The following SGO2 variants were observed in gnomAD, a reference collection of about 807,000 sequenced individuals.
The protein encoded by SGO2 is shugoshin-like 2.
A neutral mutation model predicts 99.5 loss-of-function variants in SGO2; 68 were observed. That is an observed-to-expected ratio of 0.68 (90% confidence interval 0.56 to 0.84). The LOEUF is 0.84. Ranked by LOEUF, SGO2 falls within the 40% of genes least tolerant of loss-of-function variation. SGO2 has a pLI of 0.00. For synonymous variants in SGO2, 457 were observed against 487.1 expected, an observed-to-expected ratio of 0.94 and a Z score of 0.81; for missense variants, 1,350 against 1,436.7, an observed-to-expected ratio of 0.94 and a Z score of 0.97.
intron 5 of SGO2, among the ~76,000 whole-genome samples, chr2:200,558,360 A>G (rs2032804615): frequency 6.6e-6 from 1 of 152,142 alleles, no homozygotes; most frequent in Admixed American, 6.5e-5. Context: ...GAATTTTATC[A>G]AACGCTTTTT....
chr2:200,571,573 GAGAGAA>G lies in SGO2; in HGVS notation c.1231_1236del (p.Glu411_Arg412del), dbSNP rs2033428401. ...TGAAAGATTCCAGCTCTGAAAAAAA[GAGAGAA>G]AGATCAAAGAGACAGTTTAAAAATA... is the stretch of plus-strand genomic sequence containing the variant. On this transcript the variant is annotated inframe_deletion, in exon 7 of 9. Transcript: ENST00000357799. The G allele has an allele frequency of 6.2e-7, 1 of 1,611,952 alleles. No individual in the cohort carries two copies. The highest frequency in any genetic ancestry group is 1.3e-5 in the African/African-American group (1 of 74,710).
At chr2:200,578,145 C>A (rs567243592) in intron 8 of SGO2, among the ~76,000 whole-genome samples, 134 of 21,420 alleles carry the variant, frequency 6.3e-3, no homozygotes, top group African/African-American at 0.017. Flanking sequence ...GAAGAGTTGT[C>A]TTTTCTATAG....
chr2:200,555,281 A>G (rs2032659774), intron 5 of SGO2, among the ~76,000 whole-genome samples: 1 of 152,254 alleles, frequency 6.6e-6, no homozygotes, highest in Admixed American at 6.5e-5. Context: ...TATCACACAC[A>G]CCACACACAT....
intron 5 of SGO2, among the ~76,000 whole-genome samples, chr2:200,562,606 A>G (rs1434639004): frequency 6.6e-6 from 1 of 152,230 alleles, no homozygotes; most frequent in African/African-American, 2.4e-5. Flanking sequence ...AGTCATTGGT[A>G]GCTTGATGGG....
At chr2:200,567,309 T>C (rs1417292699) in intron 5 of SGO2, among the ~76,000 whole-genome samples, 2 of 152,238 alleles carry the variant, frequency 1.3e-5, no homozygotes, top group Admixed American at 6.5e-5. Context: ...TAGAGGTGTG[T>C]CAGTTTTATT....
At chr2:200,539,915 C>G (rs1266681398) in intron 4 of SGO2, among the ~76,000 whole-genome samples, 1 of 151,638 alleles carries the variant, frequency 6.6e-6, no homozygotes, top group Non-Finnish European at 1.5e-5. Context: ...TCTTTTCTTT[C>G]TTGTTCAGTT....
In SGO2 at chr2:200,575,427, AC is replaced by A. The variant is rs2033622016; in HGVS notation, c.3749del (p.Thr1250IlefsTer14). ...ACGGACAAGCAGAAGAAGAAGGTGTACTCCTTTCTATTTTAAAGAGCCAAGC... is the reference window on the plus strand; with the variant it reads ...ACGGACAAGCAGAAGAAGAAGGTGTATCCTTTCTATTTTAAAGAGCCAAGC... ...SERTSRRRRCTPFYFKEPSLR... is the reference protein window; with the variant it reads ...SERTSRRRRCXPFYFKEPSLR... On this transcript the variant is annotated frameshift_variant, in exon 8 of 9. Transcript: ENST00000357799. LOFTEE classifies it high-confidence loss of function. 1.3e-6 allele frequency: 2 copies of A among 1,598,546 alleles called. No individual in the cohort carries two copies. The highest frequency in any genetic ancestry group is 2.3e-5 in the South Asian group (2 of 88,760).
intron 5 of SGO2, among the ~76,000 whole-genome samples, chr2:200,563,949 T>C (rs1283272816): frequency 2.0e-5 from 3 of 152,216 alleles, no homozygotes; most frequent in Non-Finnish European, 2.9e-5. Context: ...TCTTCTCTCT[T>C]TTCTTCTTTA....
intron 8 of SGO2, among the ~76,000 whole-genome samples, chr2:200,581,178 A>G (rs1433501806): frequency 6.6e-6 from 1 of 152,158 alleles, no homozygotes; most frequent in African/African-American, 2.4e-5. Flanking sequence ...GCTTAGATGT[A>G]TATTCTCCAT....
intron 5 of SGO2, among the ~76,000 whole-genome samples, chr2:200,565,806 A>G (rs2033164012): frequency 6.6e-6 from 1 of 151,966 alleles, no homozygotes; most frequent in South Asian, 2.1e-4. Context: ...GCTTCATTTC[A>G]TTCATTTGAT....
intron 5 of SGO2, among the ~76,000 whole-genome samples, chr2:200,566,852 C>T (rs1401420353): frequency 1.3e-5 from 2 of 152,222 alleles, no homozygotes; most frequent in African/African-American, 2.4e-5. Context: ...GCTCCGTGGG[C>T]GTGGGACCCT....
intron 7 of SGO2, 39 bp from the exon 8 acceptor site, chr2:200,575,271 AC>A (rs2033611455): frequency 7.4e-7 from 1 of 1,352,280 alleles, no homozygotes; most frequent in African/African-American, 1.5e-5. Context: ...ATCTCTATAT[AC>A]TTTTTAAAAT....
intron 5 of SGO2, among the ~76,000 whole-genome samples, chr2:200,564,689 G>C (rs1380120693): frequency 1.3e-5 from 2 of 152,242 alleles, no homozygotes; most frequent in East Asian, 3.9e-4. Context: ...TTATTGTGTG[G>C]GAGTCTAAGT....
At chr2:200,581,541 A>G (rs1460319681) in intron 8 of SGO2, among the ~76,000 whole-genome samples, 1 of 152,172 alleles carries the variant, frequency 6.6e-6, no homozygotes, top group Non-Finnish European at 1.5e-5. Flanking sequence ...TATTTATGAG[A>G]CCTTCCTGAT....
intron 3 of SGO2, among the ~76,000 whole-genome samples, chr2:200,535,826 A>G (rs761375329): frequency 2.0e-5 from 3 of 151,302 alleles, no homozygotes; most frequent in Non-Finnish European, 3.0e-5. Context: ...TATTCAACAT[A>G]TGTGTGTGTG....
chr2:200,538,775 G>T (rs903226448), intron 4 of SGO2, among the ~76,000 whole-genome samples: 3 of 152,084 alleles, frequency 2.0e-5, no homozygotes, highest in Non-Finnish European at 4.4e-5. Context: ...TGATGATGTG[G>T]TCTTTTTAGG....
chr2:200,554,930 G>A (rs1056880008), intron 5 of SGO2, among the ~76,000 whole-genome samples: 1 of 151,950 alleles, frequency 6.6e-6, no homozygotes, highest in Non-Finnish European at 1.5e-5. Context: ...GCAGATCAGT[G>A]CTCTAAGAAA....
intron 5 of SGO2, 112 bp downstream of exon 5, chr2:200,542,776 T>C (rs927138949): frequency 1.1e-6 from 1 of 881,788 alleles, no homozygotes; most frequent in African/African-American, 1.7e-5. Context: ...AGTTATCTAC[T>C]AACGTAGAAA....
chr2:200,584,051 C>T lies in SGO2; in HGVS notation c.*587C>T, dbSNP rs1247124431. Among the ~76,000 whole-genome samples, 1 of 152,222 alleles carries T rather than the reference C, an allele frequency of 6.6e-6. No homozygotes were observed. The highest frequency in any genetic ancestry group is 1.5e-5 in the Non-Finnish European group (1 of 68,036). On this transcript the variant is annotated 3_prime_UTR_variant, in exon 9 of 9. Coordinates refer to ENST00000357799, the MANE Select transcript of SGO2 (RefSeq NM_152524.6). ...TTTTATAATTTGGTTTTAAAGATCA[C>T]TTACTCTTCCAGTAATAAGTAGTAA...
Sources: allele counts gnomAD v4.1 joint callset (sites outside exome capture counted in the v4.1 genomes callset), GRCh38; gene constraint gnomAD v4.1.1; transcripts MANE v1.5; gene names NCBI Gene and HGNC (gene_info 2026-07-23, HGNC 2026-07-21).